TIMP2: variants seen among roughly 807,000 people sequenced by gnomAD.
TIMP2 encodes the protein TIMP metallopeptidase inhibitor 2, also known as metalloproteinase inhibitor 2.
In TIMP2, 5 loss-of-function variants were observed where a neutral mutation model predicts 24.3. The observed-to-expected ratio is 0.21, with a 90% CI of 0.11 to 0.43. The LOEUF (loss-of-function observed/expected upper bound fraction) is 0.43. Ranked by LOEUF, TIMP2 falls within the 20% of genes least tolerant of loss-of-function variation. The probability of loss-of-function intolerance (pLI) is 1.00; values close to 1 mark genes in which losing one functional copy is unlikely to be tolerated. For synonymous variants in TIMP2, 130 were observed against 123.2 expected (o/e 1.06, Z -0.37); for missense variants, 221 against 297.5 (o/e 0.74, Z 1.89).
chr17:78,886,214 G>A lies in TIMP2; in HGVS notation c.131-12295C>T, dbSNP rs145613274. Among the ~76,000 whole-genome samples, 13 of 152,264 alleles carry A rather than the reference G, an allele frequency of 8.5e-5. No homozygotes were observed. In the East Asian group the frequency reaches 1.2e-3, roughly 14 times the overall value. ...ACACTGTCTTGCTGCCCGTCTCCAC[G>A]CCTAGTTTTAGCTCGTGTGGTCAAG... is the stretch of plus-strand genomic sequence containing the variant. On this transcript the variant is annotated intron_variant, in intron 1 of 4. Coordinates refer to ENST00000262768, the MANE Select transcript of TIMP2 (RefSeq NM_003255.5).
chr17:78,904,439 G>A (rs1253529011), intron 1 of TIMP2: 2 of 152,048 alleles, frequency 1.3e-5, no homozygotes, highest in Non-Finnish European at 2.9e-5. Context: ...TCCAAATCTC[G>A]GGGAGGATGA....
At chr17:78,892,911 G>A (rs1287209594) in intron 1 of TIMP2, among the ~76,000 whole-genome samples, 1 of 152,168 alleles carries the variant, frequency 6.6e-6, no homozygotes, top group Non-Finnish European at 1.5e-5. Context: ...ATTCAGGTAG[G>A]GATGGAGGGG....
At chr17:78,861,469 G>A (rs887734287) in intron 3 of TIMP2, among the ~76,000 whole-genome samples, 2 of 152,124 alleles carry the variant, frequency 1.3e-5, no homozygotes, top group Admixed American at 6.5e-5. Context: ...AGACACACCC[G>A]TGCTTGTTCT....
At chr17:78,915,677 G>A (rs2070251233) in intron 1 of TIMP2, among the ~76,000 whole-genome samples, 2 of 151,924 alleles carry the variant, frequency 1.3e-5, no homozygotes, top group South Asian at 2.1e-4. Context: ...GCACCACCAC[G>A]CCCAGCTAAT....
At position 78,853,307 on chromosome 17, in the gene TIMP2, AGC is replaced by A. The variant is rs1491041762; in HGVS notation, c.*2358_*2359del. 2.1e-3 allele frequency: 319 copies of A among 152,748 alleles called. 3 individuals carry two copies. The highest frequency in any genetic ancestry group is 6.2e-4 in the Non-Finnish European group (42 of 68,024). 9.5% of individuals were successfully genotyped at this position (152,748 alleles called of 1,614,324 possible). On this transcript the variant is annotated 3_prime_UTR_variant, in exon 5 of 5. Coordinates refer to ENST00000262768, the MANE Select transcript of TIMP2 (RefSeq NM_003255.5). ...TTGCAGGATGAAAATAGGAGAAGAG[AGC>A]TGTGCTTAGAACATAACATATAAAT...
chr17:78,863,505 G>A (rs2069583970), intron 3 of TIMP2, among the ~76,000 whole-genome samples: 1 of 152,180 alleles, frequency 6.6e-6, no homozygotes, highest in African/African-American at 2.4e-5. Context: ...GCCTCTCAAA[G>A]TGCTGGGATC....
At chr17:78,922,642 T>A (rs1274850479) in intron 1 of TIMP2, among the ~76,000 whole-genome samples, 2 of 151,954 alleles carry the variant, frequency 1.3e-5, no homozygotes, top group African/African-American at 2.4e-5. Context: ...ACATGGCGAA[T>A]TCCTGTCTCT....
At position 78,925,159 on chromosome 17, in the gene TIMP2, G is replaced by C. The variant is rs2070341014; in HGVS notation, c.-71C>G. On this transcript the variant is annotated 5_prime_UTR_variant, in exon 1 of 5. Transcript: ENST00000262768. ...CGGGCGCTGCTCGCGGCGGCGGGCT[G>C]GGGGCGCGGGCGGGGGCTGAGCCGG... The C allele has an allele frequency of 1.4e-5, 9 of 622,528 alleles. No individual in the cohort carries two copies. Among genetic ancestry groups the C allele is most frequent in the Non-Finnish European group, 1.8e-5 (9 of 500,744 alleles). The allele number at this position is 622,528 out of a possible 1,614,324, so 38.6% of individuals were successfully genotyped here.
intron 1 of TIMP2, chr17:78,897,081 G>A: frequency 1.4e-5 from 12 of 836,328 alleles, no homozygotes; most frequent in Non-Finnish European, 1.6e-5. Context: ...GAAGTGCCAG[G>A]GCCCACAGAC....
chr17:78,912,049 G>A (rs1006507793), intron 1 of TIMP2, among the ~76,000 whole-genome samples: 1 of 151,986 alleles, frequency 6.6e-6, no homozygotes, highest in Admixed American at 6.6e-5. Context: ...GGACAACAGA[G>A]TGAGACTCTG....
intron 1 of TIMP2, among the ~76,000 whole-genome samples, chr17:78,881,284 CCT>C (rs2069777562): frequency 6.6e-6 from 1 of 152,340 alleles, no homozygotes; most frequent in East Asian, 1.9e-4. Flanking sequence ...GCCTCCTTCC[CCT>C]CTGTCCTGTC....
rs1568000096 is a variant in TIMP2 at position 78,891,907 on chromosome 17, C to T, written c.131-17988G>A. On this transcript the variant is annotated intron_variant, in intron 1 of 4. Coordinates refer to ENST00000262768, the MANE Select transcript of TIMP2 (RefSeq NM_003255.5). This position sits in a 1 kb window ranked among gnomAD's most constrained non-coding sequence, Gnocchi z 4.5. Reference sequence around the variant, plus strand: ...TTGTAGTCTGTGGTTTCTCTGGACTCGCTGCTGTCTTCCGGGGCCTGGAGT... The same window carrying T: ...TTGTAGTCTGTGGTTTCTCTGGACTTGCTGCTGTCTTCCGGGGCCTGGAGT... 2 of 1,550,576 alleles carry T rather than the reference C, an allele frequency of 1.3e-6. No individual in the cohort carries two copies. The highest frequency in any genetic ancestry group is 1.4e-5 in the African/African-American group (1 of 73,178).
intron 2 of TIMP2, among the ~76,000 whole-genome samples, chr17:78,871,656 C>G (rs1482903755): frequency 6.6e-6 from 1 of 151,626 alleles, no homozygotes; most frequent in Non-Finnish European, 1.5e-5. Context: ...ACCATCCTGG[C>G]TAACATGGTG....
At chr17:78,893,405 G>GTGTGCGCGTATAGGTA (rs139652180) in intron 1 of TIMP2, among the ~76,000 whole-genome samples, 1 of 128,298 alleles carries the variant, frequency 7.8e-6, no homozygotes, top group Non-Finnish European at 1.6e-5. Flanking sequence ...ATGCAGGGGT[G>GTGTGCGCGTATAGGTA]TGTGTGCATA....
chr17:78,903,337 C>G (rs1031465592), intron 1 of TIMP2: 4 of 152,480 alleles, frequency 2.6e-5, no homozygotes, highest in African/African-American at 9.6e-5. Context: ...TTGGCTCAAG[C>G]AGCCGGGAGC....
chr17:78,895,787 C>G (rs2069989609), intron 1 of TIMP2, among the ~76,000 whole-genome samples: 1 of 152,150 alleles, frequency 6.6e-6, no homozygotes, highest in South Asian at 2.1e-4. Flanking sequence ...GAGGTCGGGG[C>G]TGCTGTGAAT....
chr17:78,865,235 G>T (rs1413844019), intron 3 of TIMP2, among the ~76,000 whole-genome samples: 2 of 152,108 alleles, frequency 1.3e-5, no homozygotes, highest in Non-Finnish European at 2.9e-5. Context: ...GCAAACAGAG[G>T]AACAGGGAAT....
intron 1 of TIMP2, among the ~76,000 whole-genome samples, chr17:78,906,909 G>A (rs890746003): frequency 1.3e-5 from 2 of 152,062 alleles, no homozygotes; most frequent in South Asian, 2.1e-4. Flanking sequence ...TATTATTTGT[G>A]TGATCACCTG....
At chr17:78,901,393 A>G (rs2889529) in intron 1 of TIMP2, 110,531 of 239,908 alleles carry the variant, frequency 0.46, 27,257 homozygotes, top group African/African-American at 0.65. Context: ...AACAAGGAGC[A>G]AATCTGAACG....
Sources: allele counts gnomAD v4.1 joint callset (sites outside exome capture counted in the v4.1 genomes callset), GRCh38; gene constraint gnomAD v4.1.1; non-coding constraint Gnocchi (gnomAD v3.1); transcripts MANE v1.5; gene names NCBI Gene and HGNC (gene_info 2026-07-23, HGNC 2026-07-21).